The following CNTN1 variants were observed in gnomAD, a reference collection of about 807,000 sequenced individuals.
The protein encoded by CNTN1 is contactin 1, also known as contactin-1.
Under a neutral mutation model 126.4 loss-of-function variants are expected in CNTN1, and 38 were observed. The observed-to-expected ratio is 0.30, with a 90% confidence interval of 0.23 to 0.39. The LOEUF is 0.39. CNTN1 is among the 10% of genes least tolerant of loss of function. The probability of loss-of-function intolerance (pLI) is 1.00; values close to 1 mark genes in which losing one functional copy is unlikely to be tolerated. For missense variants in CNTN1, 1,009 were observed against 1,248.4 expected, an observed-to-expected ratio of 0.81 and a Z score of 2.89; for synonymous variants, 413 against 422.6, an observed-to-expected ratio of 0.98 and a Z score of 0.28.
intron 1 of CNTN1, among the ~76,000 whole-genome samples, chr12:40,817,024 A>T (rs1191189800): frequency 6.6e-6 from 1 of 152,238 alleles, no homozygotes; most frequent in East Asian, 1.9e-4. Flanking sequence ...GTTCGTTATG[A>T]TTTCCATTAT....
intron 23 of CNTN1, among the ~76,000 whole-genome samples, chr12:41,035,510 C>G (rs1176007905): frequency 6.6e-6 from 1 of 152,140 alleles, no homozygotes. Flanking sequence ...CCTCCTGAAG[C>G]TCCCATTCTA....
chr12:41,041,464 T>G (rs1949408398), intron 23 of CNTN1, among the ~76,000 whole-genome samples: 1 of 152,182 alleles, frequency 6.6e-6, no homozygotes, highest in African/African-American at 2.4e-5. Context: ...CTTTTTCTAT[T>G]GATTGGAATA....
chr12:40,904,988 T>A (rs920656716), intron 1 of CNTN1, among the ~76,000 whole-genome samples: 2 of 152,254 alleles, frequency 1.3e-5, no homozygotes, highest in Non-Finnish European at 2.9e-5. Flanking sequence ...AATTGTGCTA[T>A]GAATTAGATA....
At chr12:40,788,542 CAGAA>C (rs1400065303) in intron 1 of CNTN1, among the ~76,000 whole-genome samples, 6 of 152,058 alleles carry the variant, frequency 3.9e-5, no homozygotes, top group Admixed American at 3.9e-4. Flanking sequence ...CAGTCAAGAA[CAGAA>C]AGACTTCAAA....
intron 1 of CNTN1, among the ~76,000 whole-genome samples, chr12:40,892,238 A>C (rs1411390831): frequency 1.3e-5 from 2 of 152,110 alleles, no homozygotes; most frequent in Non-Finnish European, 2.9e-5. Context: ...AATAGCAAAA[A>C]GTGATAAGAA....
At chr12:40,924,702 A>G (rs777939151) in intron 6 of CNTN1, 50 bp downstream of exon 6, 16 of 975,880 alleles carry the variant, frequency 1.6e-5, no homozygotes, top group African/African-American at 3.2e-5. Context: ...CAAAATGGAC[A>G]AGTTTCCATT....
At chr12:40,999,697 C>CTTTTTTTTT (rs398019220) in intron 17 of CNTN1, among the ~76,000 whole-genome samples, 2 of 86,646 alleles carry the variant, frequency 2.3e-5, no homozygotes, top group Non-Finnish European at 2.1e-5. Context: ...TTCTTCTGTG[C>CTTTTTTTTT]TTTTTTTTTT....
chr12:40,957,278 A>G (rs1946921341), intron 14 of CNTN1, among the ~76,000 whole-genome samples: 1 of 151,980 alleles, frequency 6.6e-6, no homozygotes, highest in Non-Finnish European at 1.5e-5. Flanking sequence ...AAAGAAGAGA[A>G]AAGAAGAGAG....
intron 1 of CNTN1, among the ~76,000 whole-genome samples, chr12:40,740,261 A>C (rs1241938896): frequency 6.6e-6 from 1 of 152,066 alleles, no homozygotes; most frequent in Admixed American, 6.6e-5. Flanking sequence ...TAGAAGTAAA[A>C]TTGTGTCAAT....
intron 23 of CNTN1, among the ~76,000 whole-genome samples, chr12:41,029,945 CAT>C (rs1299420071): frequency 1.3e-5 from 2 of 151,530 alleles, no homozygotes; most frequent in African/African-American, 4.8e-5. Context: ...TAATTTTTGA[CAT>C]ATTTTTCTTA....
At chr12:40,770,393 A>G (rs1258919348) in intron 1 of CNTN1, among the ~76,000 whole-genome samples, 1 of 152,132 alleles carries the variant, frequency 6.6e-6, no homozygotes, top group Non-Finnish European at 1.5e-5. Context: ...TATTATCTGG[A>G]ACTGGAAATA....
At chr12:40,841,664 T>G (rs7488220) in intron 1 of CNTN1, among the ~76,000 whole-genome samples, 149,062 of 152,114 alleles carry the variant, frequency 0.98, 73,102 homozygotes, top group Middle Eastern at 1. Flanking sequence ...TTAATGGAAT[T>G]GGGGACAAAA....
At chr12:40,783,310 G>T (rs1939878216) in intron 1 of CNTN1, among the ~76,000 whole-genome samples, 1 of 151,948 alleles carries the variant, frequency 6.6e-6, no homozygotes, top group African/African-American at 2.4e-5. Context: ...GAACAGTTTT[G>T]AATAAAATAT....
Position 40,943,723 on chromosome 12 carries a change from A to C in CNTN1, c.1506A>C (p.Thr502=). The C allele has an allele frequency of 6.2e-7, 1 of 1,612,672 alleles. No homozygotes were observed. Among genetic ancestry groups the C allele is most frequent in the Non-Finnish European group, 8.5e-7 (1 of 1,179,098 alleles). Residue 502 remains threonine, a splice_region_variant and synonymous_variant, in exon 13 of 24, where the codon ACA becomes ACC. Coordinates refer to ENST00000551295, the MANE Select transcript of CNTN1 (RefSeq NM_001843.4). Reference sequence around the variant, plus strand: ...ATAGCACTGGAACCCTTGTTATCACAGGTAAGTTAATGTTTGAGGGTGCTT... The same window carrying C: ...ATAGCACTGGAACCCTTGTTATCACCGGTAAGTTAATGTTTGAGGGTGCTT... The part of the protein sequence containing the change: ...KANSTGTLVI[T]DPTRIILAPI...
intron 23 of CNTN1, among the ~76,000 whole-genome samples, chr12:41,063,380 G>A (rs1949982289): frequency 6.6e-6 from 1 of 152,202 alleles, no homozygotes; most frequent in Non-Finnish European, 1.5e-5. Flanking sequence ...ACAGCTATGG[G>A]CAGAATATAA....
Position 40,971,373 on chromosome 12 carries a change from G to T in CNTN1, c.1805-9536G>T, listed in dbSNP as rs909206748. ...ATAGGGCAAATCCCCCAAGTGCATGGCTTCCTGCCCCTAATTGGGCATCCA... is the reference window on the plus strand; with the variant it reads ...ATAGGGCAAATCCCCCAAGTGCATGTCTTCCTGCCCCTAATTGGGCATCCA... On this transcript the variant is annotated intron_variant, in intron 15 of 23. Coordinates refer to ENST00000551295, the MANE Select transcript of CNTN1 (RefSeq NM_001843.4). 2.8e-6 allele frequency: 4 copies of T among 1,425,196 alleles called. No individual in the cohort carries two copies. In the African/African-American group the frequency reaches 4.2e-5, roughly 15 times the overall value. 88.3% of individuals were successfully genotyped at this position (1,425,196 alleles called of 1,614,324 possible).
intron 1 of CNTN1, among the ~76,000 whole-genome samples, chr12:40,873,591 G>A (rs565018791): frequency 6.6e-6 from 1 of 152,048 alleles, no homozygotes; most frequent in East Asian, 1.9e-4. Context: ...TAGTGTGTTA[G>A]GCCAAAGGAT....
intron 1 of CNTN1, among the ~76,000 whole-genome samples, chr12:40,704,174 A>C (rs1005365604): frequency 6.6e-6 from 1 of 152,250 alleles, no homozygotes; most frequent in Non-Finnish European, 1.5e-5. Context: ...GTTTAAAGAA[A>C]GGCAGTGATT....
intron 15 of CNTN1, among the ~76,000 whole-genome samples, chr12:40,969,734 T>C (rs930310121): frequency 6.6e-6 from 1 of 152,192 alleles, no homozygotes; most frequent in Non-Finnish European, 1.5e-5. Flanking sequence ...AGGGCACCCC[T>C]GAAGAGCCAA....
Sources: gnomAD v4.1 joint callset for allele counts (sites outside exome capture counted in the v4.1 genomes callset) on GRCh38, gnomAD v4.1.1 for gene constraint, MANE v1.5 for transcripts, NCBI Gene and HGNC (gene_info 2026-07-23, HGNC 2026-07-21) for gene names.